The following GATAD2A variants were observed in gnomAD, a reference collection of about 807,000 sequenced individuals.
The protein encoded by GATAD2A is transcriptional repressor p66-alpha.
In GATAD2A, 12 loss-of-function variants were observed where a neutral mutation model predicts 68.5. The ratio of observed to expected loss-of-function variants is 0.18; its 90% CI spans 0.11 to 0.28. The LOEUF (loss-of-function observed/expected upper bound fraction) is 0.28, where lower values mean the gene tolerates loss of function less well. Among genes scored for constraint, GATAD2A ranks in the 10% least tolerant of loss-of-function variants. GATAD2A has a pLI of 1.00. For synonymous variants in GATAD2A, 410 were observed against 375.3 expected (o/e 1.09, Z -1.07); for missense variants, 755 against 868.5 (o/e 0.87, Z 1.64).
At chr19:19,401,231 T>A (rs2049712792), upstream of GATAD2A, among the ~76,000 whole-genome samples, 2 of 140,364 alleles carry the variant, frequency 1.4e-5, no homozygotes, top group Non-Finnish European at 3.1e-5. Flanking sequence ...TTTTTTTTTT[T>A]GAGAAGGAGT....
chr19:19,493,294 G>C (rs1035878785), intron 4 of GATAD2A, among the ~76,000 whole-genome samples: 10 of 152,196 alleles, frequency 6.6e-5, no homozygotes, highest in African/African-American at 2.4e-4. Context: ...GTCTGGTGCC[G>C]CTGGAAGCAT....
At chr19:19,438,609 G>T (rs1206075644) in intron 1 of GATAD2A, among the ~76,000 whole-genome samples, 1 of 152,196 alleles carries the variant, frequency 6.6e-6, no homozygotes, top group Non-Finnish European at 1.5e-5. Context: ...GTAGGTACTT[G>T]TTCAATGAAT....
intron 2 of GATAD2A, among the ~76,000 whole-genome samples, chr19:19,485,794 G>A (rs540942526): frequency 6.6e-6 from 1 of 152,316 alleles, no homozygotes; most frequent in Non-Finnish European, 1.5e-5. Flanking sequence ...GGTGTACAGG[G>A]TTTGTCAGCC....
At chr19:19,496,273 C>G in intron 7 of GATAD2A, 54 bp downstream of exon 7, 1 of 1,509,300 alleles carries the variant, frequency 6.6e-7, no homozygotes, top group Non-Finnish European at 9.2e-7. Flanking sequence ...CCTGTGACTG[C>G]TCCCCTTGGA....
chr19:19,440,755 T>C (rs2054924763), intron 1 of GATAD2A, among the ~76,000 whole-genome samples: 1 of 152,176 alleles, frequency 6.6e-6, no homozygotes, highest in South Asian at 2.1e-4. Context: ...CAAAAATGAA[T>C]GAATCTAGGT....
chr19:19,504,721 C>T (rs543070677), intron 11 of GATAD2A, among the ~76,000 whole-genome samples: 1 of 148,564 alleles, frequency 6.7e-6, no homozygotes, highest in Non-Finnish European at 1.5e-5. Context: ...GATCATAGCT[C>T]TCTTGCAGCC....
At position 19,432,881 on chromosome 19, in the gene GATAD2A, A is replaced by G. The variant is rs181466584; in HGVS notation, c.-7+26862A>G. On this transcript the variant is annotated intron_variant, in intron 1 of 11. Coordinates refer to ENST00000683918, the MANE Select transcript of GATAD2A (RefSeq NM_001384528.1). ...TGAGTGAACTTTGAGTCCACGAGTG[A>G]AAGCAGAGAATATAGTTTGGAGACC... 3.8e-4 allele frequency among the ~76,000 whole-genome samples: 58 copies of G among 152,324 alleles called. No homozygotes were observed. In the Middle Eastern group the frequency reaches 0.01, roughly 27 times the overall value.
At chr19:19,411,067 CTG>C (rs2050861827) in intron 1 of GATAD2A, among the ~76,000 whole-genome samples, 1 of 152,228 alleles carries the variant, frequency 6.6e-6, no homozygotes, top group Non-Finnish European at 1.5e-5. Flanking sequence ...CAAACTGTCA[CTG>C]TCTGCATGCC....
At chr19:19,476,371 C>T (rs1010555767) in intron 2 of GATAD2A, among the ~76,000 whole-genome samples, 4 of 152,218 alleles carry the variant, frequency 2.6e-5, no homozygotes, top group African/African-American at 9.7e-5. Flanking sequence ...CTGCTGTTGT[C>T]TTATTTGTCA....
Position 19,429,113 on chromosome 19 carries a change from G to A in GATAD2A, c.-7+23094G>A, listed in dbSNP as rs551173001. 32 of 816,696 alleles carry A rather than the reference G, an allele frequency of 3.9e-5. No individual in the cohort carries two copies. In the African/African-American group the frequency reaches 4.1e-4, roughly 11 times the overall value. 50.6% of individuals were successfully genotyped at this position (816,696 alleles called of 1,614,324 possible). A position where few individuals can be genotyped will look rare whatever the true frequency, so the allele number is the denominator to read the frequency against. ...TCCCCATTTTGTAGTCTCCTCCTCC[G>A]TGCCCACGTGGGTGTTAGATGAGGT... On this transcript the variant is annotated intron_variant, in intron 1 of 11. Coordinates refer to ENST00000683918, the MANE Select transcript of GATAD2A (RefSeq NM_001384528.1).
intron 8 of GATAD2A, among the ~76,000 whole-genome samples, chr19:19,500,021 G>C (rs1048653380): frequency 1.3e-5 from 2 of 152,238 alleles, no homozygotes; most frequent in Non-Finnish European, 2.9e-5. Context: ...TGGGACCAGT[G>C]CCTCTCCTTG....
chr19:19,452,629 G>A (rs778679288), intron 1 of GATAD2A, among the ~76,000 whole-genome samples: 3 of 152,028 alleles, frequency 2.0e-5, no homozygotes, highest in Non-Finnish European at 2.9e-5. Flanking sequence ...AAGGCAGGGA[G>A]TGGCAGTAGG....
chr19:19,484,124 GAC>G (rs2059250974), intron 2 of GATAD2A, among the ~76,000 whole-genome samples: 1 of 152,136 alleles, frequency 6.6e-6, no homozygotes, highest in Non-Finnish European at 1.5e-5. Context: ...ACAGGGGCCT[GAC>G]ACACAAGATA....
intron 5 of GATAD2A, 104 bp from the exon 6 acceptor site, chr19:19,495,650 A>AC: frequency 2.8e-6 from 3 of 1,068,964 alleles, no homozygotes; most frequent in East Asian, 2.6e-5. Context: ...AAAAAAAAAA[A>AC]AAAAACTAGT....
intron 1 of GATAD2A, chr19:19,429,297 GA>G (rs1295554673): frequency 1.4e-5 from 11 of 786,572 alleles, no homozygotes; most frequent in Non-Finnish European, 1.4e-5. Context: ...GAACCCAAAG[GA>G]TGGGTGGGAG....
At chr19:19,429,494 G>C (rs1185793088) in intron 1 of GATAD2A, among the ~76,000 whole-genome samples, 1 of 152,052 alleles carries the variant, frequency 6.6e-6, no homozygotes, top group Admixed American at 6.5e-5. Flanking sequence ...CTTGAAGGCC[G>C]TGGTGAGGTG....
intron 1 of GATAD2A, among the ~76,000 whole-genome samples, chr19:19,418,956 A>C (rs1287562499): frequency 6.6e-6 from 1 of 152,160 alleles, no homozygotes; most frequent in Non-Finnish European, 1.5e-5. Context: ...GAAGTATCAG[A>C]TGAGTTAGGT....
chr19:19,427,103 GA>G (rs1271479802), intron 1 of GATAD2A, among the ~76,000 whole-genome samples: 1 of 151,806 alleles, frequency 6.6e-6, no homozygotes, highest in African/African-American at 2.4e-5. Context: ...CTTAAAGACA[GA>G]AGGAAGAAGG....
At chr19:19,389,545 G>T (rs998994247) in intron 1 of GATAD2A, among the ~76,000 whole-genome samples, 1 of 152,150 alleles carries the variant, frequency 6.6e-6, no homozygotes, top group African/African-American at 2.4e-5. Flanking sequence ...TTCTTCTGGG[G>T]AGAAGTGCTT....
Sources: allele counts gnomAD v4.1 joint callset (sites outside exome capture counted in the v4.1 genomes callset), GRCh38; gene constraint gnomAD v4.1.1; transcripts MANE v1.5; gene names NCBI Gene and HGNC (gene_info 2026-07-23, HGNC 2026-07-21).